Variants in ACADM observed in about 807,000 individuals in gnomAD.
ACADM encodes medium-chain specific acyl-CoA dehydrogenase, mitochondrial.
In ACADM, 49 loss-of-function variants were observed where a neutral mutation model predicts 58.9. The ratio of observed to expected loss-of-function variants is 0.83; its 90% CI spans 0.66 to 1.06. ACADM has a LOEUF of 1.06. Among genes scored for constraint, ACADM ranks in the 50% least tolerant of loss-of-function variants. The probability of loss-of-function intolerance (pLI) is 0.00; values close to 1 mark genes in which losing one functional copy is unlikely to be tolerated. For missense variants in ACADM, 496 were observed against 507.0 expected (o/e 0.98, Z 0.21); for synonymous variants, 160 against 157.7 (o/e 1.01, Z -0.11).
Position 75,760,986 on chromosome 1 carries a change from T to G in ACADM, c.946-136T>G, listed in dbSNP as rs1400524920. 9 of 797,774 alleles carry G rather than the reference T, an allele frequency of 1.1e-5. No homozygotes were observed. The East Asian group carries it at 2.1e-4, about 19-fold the overall frequency. The allele number at this position is 797,774 out of a possible 1,614,324, so 49.4% of individuals were successfully genotyped here. On this transcript the variant is annotated intron_variant, in intron 10 of 11. Transcript: ENST00000370841. ...CTTTGAGAGGCCTAAGTAGGAGGATTGCTTGAGGCCAGGAGTTGCAGACCA... is the reference window on the plus strand; with the variant it reads ...CTTTGAGAGGCCTAAGTAGGAGGATGGCTTGAGGCCAGGAGTTGCAGACCA...
chr1:75,734,365 C>T (rs1178960161), intron 5 of ACADM, among the ~76,000 whole-genome samples: 3 of 147,150 alleles, frequency 2.0e-5, no homozygotes, highest in African/African-American at 5.0e-5. Flanking sequence ...TTAGTAGAGA[C>T]GGGGTGTCAC....
intron 7 of ACADM, chr1:75,744,322 T>G (rs1231922173): frequency 6.2e-7 from 1 of 1,613,086 alleles, no homozygotes; most frequent in Non-Finnish European, 8.5e-7. Flanking sequence ...CGGCTTGGCC[T>G]TAGCAGGAGC....
chr1:75,733,123 C>T, intron 4 of ACADM: 1 of 1,612,828 alleles, frequency 6.2e-7, no homozygotes, highest in Non-Finnish European at 8.5e-7. Flanking sequence ...CTAACTGGTT[C>T]CAACCTTAAC....
intron 7 of ACADM, chr1:75,745,501 G>A (rs1426689693): frequency 3.5e-6 from 1 of 286,186 alleles, no homozygotes; most frequent in African/African-American, 2.4e-5. Flanking sequence ...AAAAAGTTAT[G>A]TAAATGTCCT....
intron 6 of ACADM, 125 bp from the exon 7 acceptor site, chr1:75,739,855 T>A: frequency 1.4e-6 from 1 of 696,804 alleles, no homozygotes; most frequent in Non-Finnish European, 2.2e-6. Flanking sequence ...TGTAAGAACA[T>A]TTTAATTTTA....
At chr1:75,755,368 C>T (rs747839011) in intron 10 of ACADM, among the ~76,000 whole-genome samples, 2 of 152,142 alleles carry the variant, frequency 1.3e-5, no homozygotes, top group African/African-American at 4.8e-5. Flanking sequence ...CAGTAGGGGC[C>T]GATTGACACC....
chr1:75,731,254 G>C lies in ACADM; in HGVS notation c.119-1390G>C, dbSNP rs887051987. Among the ~76,000 whole-genome samples the C allele has an allele frequency of 5.3e-5, 7 of 132,230 alleles. No individual in the cohort carries two copies. The Admixed American group carries it at 5.9e-4, about 11-fold the overall frequency. 86.7% of individuals were successfully genotyped at this position (132,230 alleles called of 152,430 possible). ...AGATTGCGCCACTGCACTCCAGTCT[G>C]GGCGACAGAGCGAGACTCCGTCTCA... On this transcript the variant is annotated intron_variant, in intron 2 of 11. Transcript: ENST00000370841.
chr1:75,758,896 C>T (rs537927440), intron 10 of ACADM, among the ~76,000 whole-genome samples: 132 of 152,324 alleles, frequency 8.7e-4, no homozygotes, highest in Non-Finnish European at 7.9e-4. Flanking sequence ...CAGCCTGCAG[C>T]GGCAACCTGC....
chr1:75,755,320 TCCCTGAC>T (rs1488037930), intron 10 of ACADM, among the ~76,000 whole-genome samples: 1 of 152,158 alleles, frequency 6.6e-6, no homozygotes, highest in East Asian at 1.9e-4. Context: ...CTCAAGTGGG[TCCCTGAC>T]CCCTGAGTAG....
At chr1:75,742,849 A>G (rs1454166261) in intron 7 of ACADM, among the ~76,000 whole-genome samples, 1 of 152,196 alleles carries the variant, frequency 6.6e-6, no homozygotes, top group Non-Finnish European at 1.5e-5. Flanking sequence ...GCTTCCTGGT[A>G]GAGGTAGAAG....
intron 2 of ACADM, among the ~76,000 whole-genome samples, chr1:75,729,269 C>A (rs934949716): frequency 7.0e-5 from 6 of 85,678 alleles, no homozygotes; most frequent in South Asian, 3.9e-4. Context: ...TGAAATTTTT[C>A]TTTTCTTTTT....
intron 8 of ACADM, among the ~76,000 whole-genome samples, 166 bp from the exon 9 acceptor site, chr1:75,749,253 G>A (rs2100416936): frequency 6.6e-6 from 1 of 152,268 alleles, no homozygotes; most frequent in African/African-American, 2.4e-5. Flanking sequence ...GAACAAATAG[G>A]CGTGACTGTA....
chr1:75,749,800 C>T (rs952917123), intron 9 of ACADM, among the ~76,000 whole-genome samples: 5 of 149,074 alleles, frequency 3.4e-5, no homozygotes, highest in Non-Finnish European at 7.4e-5. Context: ...GCAACCTTCA[C>T]GTCCTGGGTT....
Position 75,724,752 on chromosome 1 carries a change from T to A in ACADM, c.-36T>A. On this transcript the variant is annotated 5_prime_UTR_variant, in exon 1 of 12. Transcript: ENST00000370841. ...GGGAGTATGTCAAGGCCGTGACCCG[T>A]GTATTATTGTCCGAGTGGCCGGAAC... The A allele has an allele frequency of 6.5e-7, 1 of 1,537,368 alleles. No individual in the cohort carries two copies. Among genetic ancestry groups the A allele is most frequent in the South Asian group, 1.2e-5 (1 of 82,236 alleles).
intron 10 of ACADM, among the ~76,000 whole-genome samples, chr1:75,757,115 A>T (rs1648551401): frequency 6.6e-6 from 1 of 152,160 alleles, no homozygotes; most frequent in Admixed American, 6.6e-5. Flanking sequence ...CTAGAAGAAA[A>T]CCTAGGCAGT....
At chr1:75,740,703 C>G (rs896426583) in intron 7 of ACADM, among the ~76,000 whole-genome samples, 6 of 151,890 alleles carry the variant, frequency 4.0e-5, no homozygotes, top group African/African-American at 1.5e-4. Flanking sequence ...CTGTTAAGTT[C>G]AATAAGAATC....
At chr1:75,743,842 C>T in intron 7 of ACADM, 1 of 1,407,574 alleles carries the variant, frequency 7.1e-7, no homozygotes, top group Non-Finnish European at 1.0e-6. Flanking sequence ...AATATAATCC[C>T]TATATACCAC....
At chr1:75,730,631 C>T (rs942333728) in intron 2 of ACADM, among the ~76,000 whole-genome samples, 10 of 151,626 alleles carry the variant, frequency 6.6e-5, no homozygotes, top group African/African-American at 1.2e-4. Flanking sequence ...ATTCTCTCGC[C>T]TCAGCTTCCT....
intron 10 of ACADM, among the ~76,000 whole-genome samples, chr1:75,756,314 C>A (rs971715955): frequency 3.3e-5 from 5 of 152,178 alleles, no homozygotes; most frequent in Non-Finnish European, 7.4e-5. Context: ...ATTTAGAAAA[C>A]CCCATCATAT....
Sources: gnomAD v4.1 joint callset for allele counts (sites outside exome capture counted in the v4.1 genomes callset) on GRCh38, gnomAD v4.1.1 for gene constraint, MANE v1.5 for transcripts, NCBI Gene and HGNC (gene_info 2026-07-23, HGNC 2026-07-21) for gene names.